Variants in ZNF804A observed in about 807,000 individuals in gnomAD.
ZNF804A encodes zinc finger protein 804A.
ZNF804A carries 2 observed loss-of-function variants against 16.5 expected under a neutral mutation model. That is an observed-to-expected ratio of 0.12 (90% CI 0.05 to 0.38). The LOEUF (loss-of-function observed/expected upper bound fraction) is 0.38. Ranked by LOEUF, ZNF804A falls within the 10% of genes least tolerant of loss-of-function variation. ZNF804A has a pLI of 0.99. For missense variants in ZNF804A, 1,473 were observed against 1,390.7 expected, an observed-to-expected ratio of 1.06 and a Z score of -0.94; for synonymous variants, 534 against 489.6, an observed-to-expected ratio of 1.09 and a Z score of -1.20.
chr2:184,822,797 G>A (rs928486302), intron 1 of ZNF804A, among the ~76,000 whole-genome samples: 5 of 152,148 alleles, frequency 3.3e-5, no homozygotes, highest in African/African-American at 7.2e-5. Flanking sequence ...TAATACAAAT[G>A]TATACATTGT....
chr2:184,721,837 C>T (rs1161166402), intron 1 of ZNF804A, among the ~76,000 whole-genome samples: 1 of 151,978 alleles, frequency 6.6e-6, no homozygotes, highest in East Asian at 1.9e-4. Flanking sequence ...CAGGATCAGC[C>T]TAATGTCTAT....
At chr2:184,636,358 T>A (rs1356671977) in intron 1 of ZNF804A, among the ~76,000 whole-genome samples, 1 of 151,320 alleles carries the variant, frequency 6.6e-6, no homozygotes, top group Admixed American at 6.6e-5. Context: ...GAAATATTTG[T>A]GTTTTTTCTG....
chr2:184,919,977 T>A (rs1323625722), intron 2 of ZNF804A, among the ~76,000 whole-genome samples: 3 of 152,148 alleles, frequency 2.0e-5, no homozygotes, highest in Non-Finnish European at 4.4e-5. Context: ...TAGCTTGGCA[T>A]GATGGCATGT....
At chr2:184,822,450 C>T (rs1230467890) in intron 1 of ZNF804A, among the ~76,000 whole-genome samples, 1 of 152,016 alleles carries the variant, frequency 6.6e-6, no homozygotes, top group Non-Finnish European at 1.5e-5. Context: ...GACTTAATAC[C>T]TAGGAGATGG....
chr2:184,827,520 C>T (rs1433962384), intron 1 of ZNF804A, among the ~76,000 whole-genome samples: 1 of 146,618 alleles, frequency 6.8e-6, no homozygotes, highest in East Asian at 2.0e-4. Flanking sequence ...AAAACTTTCA[C>T]CCCAATTATA....
intron 1 of ZNF804A, among the ~76,000 whole-genome samples, chr2:184,648,285 T>G (rs1435645024): frequency 6.6e-6 from 1 of 151,906 alleles, no homozygotes; most frequent in East Asian, 1.9e-4. Context: ...AGCAAACAAA[T>G]AATACCCGCT....
At chr2:184,711,073 A>T (rs903528170) in intron 1 of ZNF804A, among the ~76,000 whole-genome samples, 16 of 151,722 alleles carry the variant, frequency 1.1e-4, no homozygotes, top group African/African-American at 3.4e-4. Context: ...GTTTTGAGAG[A>T]TGTGACTATT....
intron 2 of ZNF804A, 27 bp downstream of exon 2, chr2:184,866,539 G>A: frequency 6.3e-7 from 1 of 1,585,174 alleles, no homozygotes; most frequent in Non-Finnish European, 8.6e-7. Flanking sequence ...AAAAAATTCT[G>A]GCATTTCTGG....
intron 2 of ZNF804A, among the ~76,000 whole-genome samples, chr2:184,925,849 G>A (rs894469512): frequency 4.9e-4 from 74 of 151,874 alleles, no homozygotes; most frequent in African/African-American, 1.4e-3. Context: ...AGAACCCTAC[G>A]CTATAACTTT....
intron 1 of ZNF804A, among the ~76,000 whole-genome samples, chr2:184,858,503 CA>C (rs61600757): frequency 0.028 from 2,390 of 83,982 alleles, 41 homozygotes; most frequent in African/African-American, 0.082. Context: ...GACTCTGTCT[CA>C]AAAAAAAAAA....
At chr2:184,689,694 C>T (rs1387750289) in intron 1 of ZNF804A, among the ~76,000 whole-genome samples, 4 of 151,994 alleles carry the variant, frequency 2.6e-5, no homozygotes, top group Non-Finnish European at 4.4e-5. Context: ...ATAGACACAA[C>T]ATTTTTAGCT....
chr2:184,913,396 G>A (rs762507810), intron 2 of ZNF804A, among the ~76,000 whole-genome samples: 1 of 152,026 alleles, frequency 6.6e-6, no homozygotes, highest in Admixed American at 6.6e-5. Flanking sequence ...TTATTCTCTA[G>A]AGTCCATTAT....
chr2:184,675,586 A>G (rs1355993209), intron 1 of ZNF804A, among the ~76,000 whole-genome samples: 1 of 151,874 alleles, frequency 6.6e-6, no homozygotes, highest in Non-Finnish European at 1.5e-5. Context: ...ACTGTGTGCC[A>G]GATACTACTG....
chr2:184,763,665 T>TTTTTTGG (rs1694075244), intron 1 of ZNF804A, among the ~76,000 whole-genome samples: 1 of 93,010 alleles, frequency 1.1e-5, no homozygotes, highest in African/African-American at 4.0e-5. Flanking sequence ...TTTTTTTTAG[T>TTTTTTGG]GGAGTCTTGC....
At chr2:184,833,831 A>G (rs1407686720) in intron 1 of ZNF804A, among the ~76,000 whole-genome samples, 1 of 152,078 alleles carries the variant, frequency 6.6e-6, no homozygotes, top group African/African-American at 2.4e-5. Flanking sequence ...ATGTGTACCT[A>G]CATAACAAAA....
intron 1 of ZNF804A, among the ~76,000 whole-genome samples, chr2:184,658,871 T>C (rs769526485): frequency 2.2e-4 from 33 of 152,194 alleles, no homozygotes; most frequent in Non-Finnish European, 4.0e-4. Flanking sequence ...ACTGGTCCAG[T>C]TAAGAATCTT....
chr2:184,729,472 T>C lies in ZNF804A; in HGVS notation c.111+130402T>C, dbSNP rs1693476077. ...TTGAAATGGAACCCATGATTTCAAA[T>C]CAATCAGTTGGTTCAGTTCAGTCAG... On this transcript the variant is annotated intron_variant, in intron 1 of 3. Coordinates refer to ENST00000302277, the MANE Select transcript of ZNF804A (RefSeq NM_194250.2). Among the ~76,000 whole-genome samples the C allele has an allele frequency of 2.0e-5, 3 of 151,972 alleles. No individual in the cohort carries two copies. The South Asian group carries it at 6.2e-4, about 31-fold the overall frequency.
At chr2:184,777,776 G>T (rs1176353299) in intron 1 of ZNF804A, among the ~76,000 whole-genome samples, 4 of 151,536 alleles carry the variant, frequency 2.6e-5, no homozygotes, top group African/African-American at 9.7e-5. Flanking sequence ...TGGGTTGTTT[G>T]TCCTTTAGAG....
intron 1 of ZNF804A, among the ~76,000 whole-genome samples, chr2:184,746,732 T>C (rs964898317): frequency 4.6e-5 from 7 of 151,430 alleles, no homozygotes; most frequent in Non-Finnish European, 1.0e-4. Flanking sequence ...TAACTATCAT[T>C]CTACTCTTTA....
Sources: gnomAD v4.1 joint callset for allele counts (sites outside exome capture counted in the v4.1 genomes callset) on GRCh38, gnomAD v4.1.1 for gene constraint, MANE v1.5 for transcripts, NCBI Gene and HGNC (gene_info 2026-07-23, HGNC 2026-07-21) for gene names.